EPSTI1: variants seen among roughly 807,000 people sequenced by gnomAD.
The protein encoded by EPSTI1 is epithelial stromal interaction 1, also known as epithelial-stromal interaction protein 1.
Under a neutral mutation model 49.9 loss-of-function variants are expected in EPSTI1, and 66 were observed. The observed-to-expected ratio is 1.32, with a 90% confidence interval of 1.08 to 1.62. The LOEUF (loss-of-function observed/expected upper bound fraction) is 1.62, where lower values mean the gene tolerates loss of function less well. EPSTI1 is among the 40% of genes most tolerant of loss of function. EPSTI1 has a pLI of 0.00. For synonymous variants in EPSTI1, 137 were observed against 130.7 expected, an observed-to-expected ratio of 1.05 and a Z score of -0.33; for missense variants, 394 against 365.5, an observed-to-expected ratio of 1.08 and a Z score of -0.64.
At chr13:42,920,609 A>T (rs9533304) in intron 7 of EPSTI1, among the ~76,000 whole-genome samples, 26,898 of 152,082 alleles carry the variant, frequency 0.18, 2,693 homozygotes, top group East Asian at 0.4. Flanking sequence ...CTTCACCCCC[A>T]TATACCTGCT....
intron 5 of EPSTI1, among the ~76,000 whole-genome samples, chr13:42,955,604 C>G (rs1346004184): frequency 6.6e-6 from 1 of 152,022 alleles, no homozygotes; most frequent in African/African-American, 2.4e-5. Flanking sequence ...GAGTTCAAGA[C>G]CAGTCTGGCC....
chr13:42,924,152 C>G (rs1348076060), intron 7 of EPSTI1, among the ~76,000 whole-genome samples: 1 of 152,164 alleles, frequency 6.6e-6, no homozygotes, highest in Non-Finnish European at 1.5e-5. Flanking sequence ...GAATTCTATG[C>G]ATATGGATGA....
intron 6 of EPSTI1, among the ~76,000 whole-genome samples, chr13:42,946,863 A>G (rs1019311309): frequency 2.6e-5 from 4 of 152,184 alleles, no homozygotes; most frequent in African/African-American, 9.7e-5. Flanking sequence ...TCTGGGTTAC[A>G]TGCTCCTTAT....
At chr13:42,906,866 G>A (rs2037514353) in intron 8 of EPSTI1, among the ~76,000 whole-genome samples, 1 of 151,554 alleles carries the variant, frequency 6.6e-6, no homozygotes, top group Non-Finnish European at 1.5e-5. Context: ...TTAATTGACA[G>A]TTTGTACATA....
chr13:42,919,419 T>C, intron 7 of EPSTI1: 1 of 1,190,806 alleles, frequency 8.4e-7, no homozygotes, highest in Non-Finnish European at 1.2e-6. Context: ...TGTATTCACA[T>C]AATTTGTCTA....
At chr13:42,960,033 C>T (rs1414130823) in intron 5 of EPSTI1, among the ~76,000 whole-genome samples, 1 of 151,984 alleles carries the variant, frequency 6.6e-6, no homozygotes, top group African/African-American at 2.4e-5. Flanking sequence ...AAAGGATGTA[C>T]ATATGCTATT....
intron 6 of EPSTI1, among the ~76,000 whole-genome samples, chr13:42,949,708 G>A (rs1473319054): frequency 6.6e-6 from 1 of 151,276 alleles, no homozygotes; most frequent in Admixed American, 6.6e-5. Flanking sequence ...CTTATATCTC[G>A]AGAAAATTCT....
At chr13:42,970,507 T>C (rs1278932591) in intron 2 of EPSTI1, 105 bp downstream of exon 2, 2 of 949,518 alleles carry the variant, frequency 2.1e-6, no homozygotes, top group Non-Finnish European at 3.1e-6. Context: ...TTGATGAGAT[T>C]TGGTGAGTCT....
At position 42,902,983 on chromosome 13, in the gene EPSTI1, C is replaced by G. The variant is rs190725435; in HGVS notation, c.742-2600G>C. 3.5e-4 allele frequency among the ~76,000 whole-genome samples: 53 copies of G among 152,246 alleles called. 1 individual carries two copies. The highest frequency in any genetic ancestry group is 3.0e-3 in the Admixed American group (46 of 15,290). On this transcript the variant is annotated intron_variant, in intron 8 of 10. Transcript: ENST00000313624. Reference sequence around the variant, plus strand: ...ACCCATTCACATTCAAAAGTTTTAGCAGAATATATATAACCTAAGCACAAA... The same window carrying G: ...ACCCATTCACATTCAAAAGTTTTAGGAGAATATATATAACCTAAGCACAAA...
At chr13:42,939,830 T>A (rs1410748482) in intron 6 of EPSTI1, among the ~76,000 whole-genome samples, 5 of 152,304 alleles carry the variant, frequency 3.3e-5, no homozygotes, top group Middle Eastern at 6.8e-3. Context: ...TATAAAATTT[T>A]AAAAAATGAA....
At chr13:42,921,618 C>T (rs530014273) in intron 7 of EPSTI1, among the ~76,000 whole-genome samples, 1 of 152,288 alleles carries the variant, frequency 6.6e-6, no homozygotes, top group African/African-American at 2.4e-5. Flanking sequence ...GATTCTCAAC[C>T]TTGGCTGCAC....
chr13:42,916,123 C>T (rs7986594), intron 8 of EPSTI1, among the ~76,000 whole-genome samples: 143,381 of 152,142 alleles, frequency 0.94, 68,135 homozygotes, highest in East Asian at 1. Context: ...AACACTTTTA[C>T]GTCATTTAGC....
intron 6 of EPSTI1, chr13:42,934,939 G>GA (rs1379839905): frequency 3.2e-5 from 5 of 155,144 alleles, no homozygotes; most frequent in Non-Finnish European, 7.2e-5. Flanking sequence ...TATTATTTAA[G>GA]AAAAAACCTT....
At chr13:42,920,371 G>A (rs2153419524) in intron 7 of EPSTI1, among the ~76,000 whole-genome samples, 1 of 152,218 alleles carries the variant, frequency 6.6e-6, no homozygotes, top group South Asian at 2.1e-4. Flanking sequence ...TATTCACAGA[G>A]GGAAATCTAT....
intron 5 of EPSTI1, among the ~76,000 whole-genome samples, chr13:42,962,751 G>C (rs1381862476): frequency 6.6e-6 from 1 of 151,956 alleles, no homozygotes; most frequent in African/African-American, 2.4e-5. Flanking sequence ...CTGCACTCCA[G>C]CCTGTGCAAC....
chr13:42,929,550 T>G lies in EPSTI1; in HGVS notation c.564-3121A>C, dbSNP rs2038294649. Among the ~76,000 whole-genome samples the G allele has an allele frequency of 6.6e-5, 10 of 152,194 alleles. No individual in the cohort carries two copies. The South Asian group carries it at 2.1e-3, about 32-fold the overall frequency. ...CCCTATGGTATGCATTTTCCTTTGC[T>G]GCAATGAGTAATAAACCCAACTTGT... On this transcript the variant is annotated intron_variant, in intron 6 of 10. Transcript: ENST00000313624.
At position 42,939,076 on chromosome 13, in the gene EPSTI1, C is replaced by T. The variant is rs1015845398; in HGVS notation, c.564-12647G>A. 7.9e-5 allele frequency among the ~76,000 whole-genome samples: 12 copies of T among 152,194 alleles called. No individual in the cohort carries two copies. The East Asian group carries it at 1.7e-3, about 22-fold the overall frequency. ...TCTTCCCTTAAACCTCATGAACCAACCTCTGCTAGTTTCTAACTTTTCTTC... is the reference window on the plus strand; with the variant it reads ...TCTTCCCTTAAACCTCATGAACCAATCTCTGCTAGTTTCTAACTTTTCTTC... On this transcript the variant is annotated intron_variant, in intron 6 of 10. Transcript: ENST00000313624.
At chr13:42,990,844 T>A (rs1399495075) in intron 1 of EPSTI1, among the ~76,000 whole-genome samples, 1 of 152,152 alleles carries the variant, frequency 6.6e-6, no homozygotes, top group Admixed American at 6.5e-5. Context: ...AAGGAGAGAC[T>A]AAAAATAAAA....
intron 3 of EPSTI1, among the ~76,000 whole-genome samples, chr13:42,966,311 C>T (rs1312371610): frequency 5.0e-5 from 1 of 20,164 alleles, no homozygotes; most frequent in African/African-American, 1.5e-4. Flanking sequence ...CATCTCCGCC[C>T]GGCCGCCATC....
Sources: gnomAD v4.1 joint callset for allele counts (sites outside exome capture counted in the v4.1 genomes callset) on GRCh38, gnomAD v4.1.1 for gene constraint, MANE v1.5 for transcripts, NCBI Gene and HGNC (gene_info 2026-07-23, HGNC 2026-07-21) for gene names.